Variants in ITPR3 observed in about 807,000 individuals in gnomAD.
ITPR3 encodes inositol 1,4,5-trisphosphate-gated calcium channel ITPR3.
ITPR3 carries 173 observed loss-of-function variants against 293.2 expected under a neutral mutation model. That is an observed-to-expected ratio of 0.59 (90% CI 0.52 to 0.67). The LOEUF is 0.67. Ranked by LOEUF, ITPR3 falls within the 30% of genes least tolerant of loss-of-function variation. ITPR3 has a pLI of 0.00. For synonymous variants in ITPR3, 1,295 were observed against 1,444.4 expected, an observed-to-expected ratio of 0.90 and a Z score of 2.35; for missense variants, 2,796 against 3,592.1, an observed-to-expected ratio of 0.78 and a Z score of 5.66.
chr6:33,647,106 C>T (rs564231623), intron 2 of ITPR3, among the ~76,000 whole-genome samples: 1 of 152,138 alleles, frequency 6.6e-6, no homozygotes, highest in African/African-American at 2.4e-5. Flanking sequence ...TCACTGCAAC[C>T]CTGACCTCCT....
chr6:33,621,396 G>A lies in ITPR3; in HGVS notation c.-207G>A, dbSNP rs1388525520. The A allele has an allele frequency of 6.5e-6, 2 of 309,946 alleles. No homozygotes were observed. Among genetic ancestry groups the A allele is most frequent in the Non-Finnish European group, 1.2e-5 (2 of 170,544 alleles). 19.2% of individuals were successfully genotyped at this position (309,946 alleles called of 1,614,324 possible). ...GGGCGGGCGGCGGGCGCGCCAAGACGTGGGCACCTCCTCACCCGGACCCCG... is the reference window on the plus strand; with the variant it reads ...GGGCGGGCGGCGGGCGCGCCAAGACATGGGCACCTCCTCACCCGGACCCCG... On this transcript the variant is annotated 5_prime_UTR_variant, in exon 1 of 58. The change creates a new upstream start codon in the 5' untranslated region. Transcript: ENST00000605930. The surrounding 1 kb of genome is among the most constrained non-coding windows in gnomAD (Gnocchi z 7.7).
At chr6:33,665,345 C>G in intron 13 of ITPR3, 132 bp downstream of exon 13, 1 of 1,182,320 alleles carries the variant, frequency 8.5e-7, no homozygotes, top group Non-Finnish European at 1.2e-6. Context: ...CCTGTGGGGC[C>G]CTGGCTGAGC....
Position 33,693,000 on chromosome 6 carries a change from G to T in ITPR3, c.7624+107G>T. The T allele has an allele frequency of 8.8e-7, 1 of 1,137,658 alleles. No individual in the cohort carries two copies. Among genetic ancestry groups the T allele is most frequent in the Admixed American group, 2.3e-5 (1 of 43,580 alleles). 70.5% of individuals were successfully genotyped at this position (1,137,658 alleles called of 1,614,324 possible). On this transcript the variant is annotated intron_variant, in intron 55 of 57. Transcript: ENST00000605930. The surrounding 1 kb of genome is among the most constrained non-coding windows in gnomAD (Gnocchi z 4.2). The stretch of plus-strand genomic sequence containing the variant: ...TTCCTGCCCTGGGGAACCCTGGCCC[G>T]GAGCTGATGACTTGATGCATTTGCT...
At chr6:33,690,363 G>A (rs1765357860) in intron 51 of ITPR3, among the ~76,000 whole-genome samples, 165 bp downstream of exon 51, 1 of 152,144 alleles carries the variant, frequency 6.6e-6, no homozygotes, top group African/African-American at 2.4e-5. Context: ...CCCAAGCCTG[G>A]CCCTCAAGGC....
At chr6:33,689,502 G>T in intron 50 of ITPR3, 92 bp downstream of exon 50, 1 of 1,422,290 alleles carries the variant, frequency 7.0e-7, no homozygotes, top group Non-Finnish European at 9.6e-7. Context: ...AGGAGCCACT[G>T]CTCTGTCCCA....
Position 33,686,505 on chromosome 6 carries a change from G to A in ITPR3, c.5965G>A (p.Val1989Met), listed in dbSNP as rs535749773. The change falls in exon 43 of 58, where the codon GTG becomes ATG. Residue 1989 changes from valine (V) to methionine (M), a missense_variant. By Grantham distance (21) the Val-to-Met change is conservative. Transcript: ENST00000605930. ...CCTGTGCAAGTACCGCATGGATCTGGTGCTGCAGCTCAAGGTGGGGCCCAG... is the reference window on the plus strand; with the variant it reads ...CCTGTGCAAGTACCGCATGGATCTGATGCTGCAGCTCAAGGTGGGGCCCAG... Reference protein sequence around the residue: ...SPLCKYRMDLVLQLKDNASKL... With the variant: ...SPLCKYRMDLMLQLKDNASKL... The A allele has an allele frequency of 1.9e-6, 3 of 1,614,040 alleles. No individual in the cohort carries two copies. The South Asian group carries it at 3.3e-5, about 18-fold the overall frequency.
rs1183838580 is a variant in ITPR3, at chr6:33,633,758, G to GCGGGGC, written c.90-6710_90-6705dup. ...GTTTCGCTTCGCCGCGGGGGCGGGG[G>GCGGGGC]CGGGGCCGGGGCCGGGGCCGGACGC... On this transcript the variant is annotated intron_variant, in intron 1 of 57. Transcript: ENST00000605930. The surrounding 1 kb of genome is among the most constrained non-coding windows in gnomAD (Gnocchi z 5.2). 0.088 allele frequency among the ~76,000 whole-genome samples: 12,746 copies of GCGGGGC among 144,928 alleles called. 634 individuals carry two copies. Among genetic ancestry groups the GCGGGGC allele is most frequent in the Non-Finnish European group, 0.11 (7,482 of 65,196 alleles).
In ITPR3 at chr6:33,652,198, C is replaced by A. The variant is rs148190648; in HGVS notation, c.161-3568C>A. 5.1e-3 allele frequency among the ~76,000 whole-genome samples: 776 copies of A among 152,318 alleles called. 6 individuals carry two copies. The highest frequency in any genetic ancestry group is 0.018 in the African/African-American group (746 of 41,570). On this transcript the variant is annotated intron_variant, in intron 2 of 57. Coordinates refer to ENST00000605930, the MANE Select transcript of ITPR3 (RefSeq NM_002224.4). ...AGATGCGCCATATCCTCTCCCACCT[C>A]CTGCTCTTTCCTCCAGTTGTGTGCC...
At position 33,621,792 on chromosome 6, in the gene ITPR3, G is replaced by A. The variant is rs1763443127; in HGVS notation, c.89+101G>A. On this transcript the variant is annotated intron_variant, in intron 1 of 57. Coordinates refer to ENST00000605930, the MANE Select transcript of ITPR3 (RefSeq NM_002224.4). The surrounding 1 kb of genome is among the most constrained non-coding windows in gnomAD (Gnocchi z 7.7). ...AGCCGCCGCCCCCCGATAGAGGCCT[G>A]GACGTCCCCCTAGTCTCAAGGAGCG... is the stretch of plus-strand genomic sequence containing the variant. 3 of 828,364 alleles carry A rather than the reference G, an allele frequency of 3.6e-6. No individual in the cohort carries two copies. The highest frequency in any genetic ancestry group is 2.3e-5 in the Admixed American group (1 of 43,606). The allele number at this position is 828,364 out of a possible 1,614,324, so 51.3% of individuals were successfully genotyped here. A position where few individuals can be genotyped will look rare whatever the true frequency, so the allele number is the denominator to read the frequency against.
Position 33,667,329 on chromosome 6 carries a change from G to A in ITPR3, c.1713+39G>A, listed in dbSNP as rs192517626. 2.0e-4 allele frequency: 318 copies of A among 1,594,810 alleles called. 1 individual carries two copies. The Middle Eastern group carries it at 2.9e-3, about 15-fold the overall frequency. On this transcript the variant is annotated intron_variant, in intron 15 of 57. Coordinates refer to ENST00000605930, the MANE Select transcript of ITPR3 (RefSeq NM_002224.4). This position sits in a 1 kb window ranked among gnomAD's most constrained non-coding sequence, Gnocchi z 4.4. ...CTGCTGGCCCACTCGCTGGCTGCAC[G>A]TTCCTTCCTCAGCAAGCGATTTCCT...
chr6:33,623,173 G>T (rs913801662), intron 1 of ITPR3, among the ~76,000 whole-genome samples: 10 of 152,072 alleles, frequency 6.6e-5, no homozygotes, highest in Non-Finnish European at 1.3e-4. Flanking sequence ...GGAGGAGAGG[G>T]TGTGGGGACT....
chr6:33,637,910 A>G (rs1763863119), intron 1 of ITPR3, among the ~76,000 whole-genome samples: 2 of 151,866 alleles, frequency 1.3e-5, no homozygotes, highest in African/African-American at 4.8e-5. Flanking sequence ...CGGCCTCCCA[A>G]AGTGCTAGGA....
intron 2 of ITPR3, among the ~76,000 whole-genome samples, chr6:33,643,848 C>T (rs1407743175): frequency 1.3e-5 from 2 of 152,144 alleles, no homozygotes; most frequent in East Asian, 1.9e-4. Context: ...GCTCCAAGCC[C>T]GGCTTATTGT....
At chr6:33,686,550 G>A (rs1334356593) in intron 43 of ITPR3, 31 bp downstream of exon 43, 1 of 1,511,112 alleles carries the variant, frequency 6.6e-7, no homozygotes, top group East Asian at 2.3e-5. Context: ...TGTGAGTGCT[G>A]GGTGTGCATG....
At chr6:33,640,322 G>A (rs1163358404) in intron 1 of ITPR3, among the ~76,000 whole-genome samples, 162 bp from the exon 2 acceptor site, 1 of 152,090 alleles carries the variant, frequency 6.6e-6, no homozygotes, top group Non-Finnish European at 1.5e-5. Flanking sequence ...GCCTTTCAAC[G>A]GTGGTGCCAG....
In ITPR3 at chr6:33,662,589, A is replaced by AG; in HGVS notation, c.776dup (p.Lys260GlnfsTer59). 2.5e-6 allele frequency: 4 copies of AG among 1,612,250 alleles called. No individual in the cohort carries two copies. Among genetic ancestry groups the AG allele is most frequent in the Non-Finnish European group, 3.4e-6 (4 of 1,179,798 alleles). Reference sequence around the variant, plus strand: ...AAGTTCCTGACGTGTGACGAGTACAAGGGCAAGCTGCAGGTGTTCCTGCGA... The same window carrying AG: ...AAGTTCCTGACGTGTGACGAGTACAAGGGGCAAGCTGCAGGTGTTCCTGCGA... On this transcript the variant is annotated frameshift_variant, in exon 8 of 58. Transcript: ENST00000605930. LOFTEE classifies it high-confidence loss of function.
intron 2 of ITPR3, among the ~76,000 whole-genome samples, chr6:33,643,465 T>C (rs1763994843): frequency 6.6e-6 from 1 of 152,220 alleles, no homozygotes; most frequent in Non-Finnish European, 1.5e-5. Context: ...GGCAAGGCCC[T>C]GGGAAGCCCA....
intron 25 of ITPR3, 70 bp from the exon 26 acceptor site, chr6:33,676,698 G>A (rs1281122041): frequency 1.3e-6 from 2 of 1,573,680 alleles, no homozygotes; most frequent in African/African-American, 2.7e-5. Context: ...AGTAAGGAAG[G>A]TGCTGGAGGT....
At chr6:33,642,281 G>A (rs986732661) in intron 2 of ITPR3, among the ~76,000 whole-genome samples, 1 of 152,136 alleles carries the variant, frequency 6.6e-6, no homozygotes, top group South Asian at 2.1e-4. Context: ...AGGATGGACG[G>A]GTAGAGAAAG....
Sources: gnomAD v4.1 joint callset for allele counts (sites outside exome capture counted in the v4.1 genomes callset) on GRCh38, gnomAD v4.1.1 for gene constraint, Gnocchi (gnomAD v3.1) non-coding constraint, MANE v1.5 for transcripts, NCBI Gene and HGNC (gene_info 2026-07-23, HGNC 2026-07-21) for gene names.